TAS2R1: variants seen among roughly 807,000 people sequenced by gnomAD.
The protein encoded by TAS2R1 is taste receptor type 2 member 1.
For missense variants in TAS2R1, 370 were observed against 353.4 expected (o/e 1.05, Z -0.38); for synonymous variants, 141 against 134.2 (o/e 1.05, Z -0.35).
chr5:9,788,332 A>G, the TAS2R1 span, among the ~76,000 whole-genome samples: 1 of 152,222 alleles, frequency 6.6e-6, no homozygotes, highest in Non-Finnish European at 1.5e-5. Flanking sequence ...CAGCTTAAGG[A>G]TGACTGACTG....
rs114937870 is a variant in TAS2R1 at position 9,670,389 on chromosome 5, G to A, written c.-241-10808C>T. ...AATCACTGAGTTTTGACCAATCAAA[G>A]AGGGCAAATGTTGAAACTGTATTTA... On this transcript the variant is annotated intron_variant, in intron 1 of 2. Coordinates refer to the TAS2R1 transcript ENST00000506620. 6.4e-3 allele frequency among the ~76,000 whole-genome samples: 977 copies of A among 152,278 alleles called. 4 individuals carry two copies. The highest frequency in any genetic ancestry group is 0.022 in the African/African-American group (904 of 41,548).
the TAS2R1 span, among the ~76,000 whole-genome samples, chr5:9,777,284 C>T: frequency 6.6e-6 from 1 of 152,252 alleles, no homozygotes; most frequent in Non-Finnish European, 1.5e-5. Context: ...CCTGCTACTG[C>T]TTTATCAAAT....
chr5:9,657,428 T>C (rs1003584338), intron 2 of TAS2R1, among the ~76,000 whole-genome samples: 1 of 152,342 alleles, frequency 6.6e-6, no homozygotes, highest in African/African-American at 2.4e-5. Context: ...CGAGCTCTGA[T>C]TGCTTTGCTC....
the TAS2R1 span, among the ~76,000 whole-genome samples, chr5:9,818,214 G>A: frequency 1.3e-5 from 2 of 152,096 alleles, no homozygotes; most frequent in Non-Finnish European, 2.9e-5. Context: ...ATCAAATTGT[G>A]TTATACAAGT....
At chr5:9,773,303 C>A in the TAS2R1 span, among the ~76,000 whole-genome samples, 2 of 152,038 alleles carry the variant, frequency 1.3e-5, no homozygotes, top group Non-Finnish European at 2.9e-5. Context: ...AAAAATGCTA[C>A]ACTTTAACTT....
At chr5:9,856,558 G>A in the TAS2R1 span, among the ~76,000 whole-genome samples, 2 of 152,132 alleles carry the variant, frequency 1.3e-5, no homozygotes, top group African/African-American at 4.8e-5. Context: ...GCATTGCCTG[G>A]GAGATACAGG....
intron 2 of TAS2R1, among the ~76,000 whole-genome samples, chr5:9,650,538 A>G (rs1329474132): frequency 1.3e-5 from 2 of 152,202 alleles, no homozygotes; most frequent in African/African-American, 4.8e-5. Flanking sequence ...TGGACACAGC[A>G]CACCAAGGCC....
At chr5:9,832,204 A>G in the TAS2R1 span, among the ~76,000 whole-genome samples, 5 of 152,226 alleles carry the variant, frequency 3.3e-5, no homozygotes, top group African/African-American at 1.2e-4. Flanking sequence ...TTGGCATTTC[A>G]CCAGTTTTCA....
the TAS2R1 span, among the ~76,000 whole-genome samples, chr5:9,798,040 G>A: frequency 2.6e-5 from 4 of 152,162 alleles, no homozygotes; most frequent in East Asian, 1.9e-4. Flanking sequence ...GAACATCCAC[G>A]CAATGGAATA....
the TAS2R1 span, among the ~76,000 whole-genome samples, chr5:9,724,344 CTT>C: frequency 0.09 from 11,178 of 124,584 alleles, 1,413 homozygotes; most frequent in African/African-American, 0.29. Context: ...ATGTTTCTTT[CTT>C]TTTTTTTTTT....
chr5:9,687,490 G>T (rs55661537), intron 1 of TAS2R1, among the ~76,000 whole-genome samples: 1 of 151,946 alleles, frequency 6.6e-6, no homozygotes, highest in African/African-American at 2.4e-5. Flanking sequence ...ACTGAAGCAG[G>T]CCCCTCTGAC....
the TAS2R1 span, among the ~76,000 whole-genome samples, chr5:9,876,826 AG>A: frequency 5.3e-5 from 8 of 152,198 alleles, no homozygotes; most frequent in Non-Finnish European, 1.0e-4. Context: ...AAGGCCAAAA[AG>A]GTTGTCTAGT....
chr5:9,745,814 C>T, the TAS2R1 span, among the ~76,000 whole-genome samples: 1 of 151,932 alleles, frequency 6.6e-6, no homozygotes, highest in African/African-American at 2.4e-5. Context: ...CCATAAAAAC[C>T]CTAGAAAAAA....
At chr5:9,650,889 G>A (rs1469922726) in intron 2 of TAS2R1, among the ~76,000 whole-genome samples, 1 of 152,166 alleles carries the variant, frequency 6.6e-6, no homozygotes, top group Non-Finnish European at 1.5e-5. Flanking sequence ...TTGGCACATG[G>A]TGGGTGCTCA....
the TAS2R1 span, among the ~76,000 whole-genome samples, chr5:9,767,162 T>C: frequency 7.2e-5 from 11 of 151,928 alleles, no homozygotes; most frequent in Non-Finnish European, 1.5e-4. Flanking sequence ...CTCCTCCAAA[T>C]TTGTTCCTTT....
chr5:9,748,731 C>T, the TAS2R1 span, among the ~76,000 whole-genome samples: 1 of 152,172 alleles, frequency 6.6e-6, no homozygotes, highest in Non-Finnish European at 1.5e-5. Context: ...AGGAGTCTGC[C>T]TCTATGACCC....
At chr5:9,708,469 T>C (rs1741667873) in intron 1 of TAS2R1, among the ~76,000 whole-genome samples, 1 of 152,216 alleles carries the variant, frequency 6.6e-6, no homozygotes, top group Non-Finnish European at 1.5e-5. Flanking sequence ...AATCATGTCA[T>C]AAGGCAATGG....
chr5:9,794,589 A>G, the TAS2R1 span, among the ~76,000 whole-genome samples: 1 of 152,212 alleles, frequency 6.6e-6, no homozygotes, highest in Non-Finnish European at 1.5e-5. Flanking sequence ...ACAGGTTAAG[A>G]AAAAATTAAT....
chr5:9,747,812 C>CT, the TAS2R1 span, among the ~76,000 whole-genome samples: 38,139 of 146,062 alleles, frequency 0.26, 5,259 homozygotes, highest in Middle Eastern at 0.43. Context: ...AGATTTGTAA[C>CT]TTTTTTTTTT....
Sources: gnomAD v4.1 joint callset for allele counts (sites outside exome capture counted in the v4.1 genomes callset) on GRCh38, gnomAD v4.1.1 for gene constraint, MANE v1.5 for transcripts, NCBI Gene and HGNC (gene_info 2026-07-23, HGNC 2026-07-21) for gene names.